The following GALNT2 variants were observed in gnomAD, a reference collection of about 807,000 sequenced individuals.
The protein encoded by GALNT2 is UDP-GalNAc:polypeptide N-acetylgalactosaminyltransferase 2.
Under a neutral mutation model 81.4 loss-of-function variants are expected in GALNT2, and 31 were observed. The ratio of observed to expected loss-of-function variants is 0.38; its 90% confidence interval spans 0.29 to 0.51. GALNT2 has a LOEUF of 0.51. Ranked by LOEUF, GALNT2 falls within the 20% of genes least tolerant of loss-of-function variation. The pLI is 0.87. For synonymous variants in GALNT2, 303 were observed against 287.4 expected, an observed-to-expected ratio of 1.05 and a Z score of -0.55; for missense variants, 629 against 765.7, an observed-to-expected ratio of 0.82 and a Z score of 2.11.
intron 11 of GALNT2, among the ~76,000 whole-genome samples, chr1:230,256,823 A>G (rs1163567803): frequency 6.6e-6 from 1 of 152,186 alleles, no homozygotes; most frequent in Non-Finnish European, 1.5e-5. Context: ...GTATTTTCAA[A>G]TAGTAATCAA....
At chr1:230,171,761 C>G (rs1662800826) in intron 1 of GALNT2, among the ~76,000 whole-genome samples, 1 of 152,120 alleles carries the variant, frequency 6.6e-6, no homozygotes, top group Admixed American at 6.5e-5. Flanking sequence ...TGTATGTAAG[C>G]ATGTTTATTT....
chr1:230,279,526 G>A lies in GALNT2; in HGVS notation c.*68G>A, dbSNP rs1666380357. ...GGTGGAGTCTGGTGATCACATTATT[G>A]ATTATGTTTCTTAAACTTTCCGCGA... On this transcript the variant is annotated 3_prime_UTR_variant, in exon 16 of 16. Transcript: ENST00000366672. The surrounding 1 kb of genome is among the most constrained non-coding windows in gnomAD (Gnocchi z 4.6). The A allele has an allele frequency of 6.5e-7, 1 of 1,542,586 alleles. No individual in the cohort carries two copies. Among genetic ancestry groups the A allele is most frequent in the South Asian group, 1.2e-5 (1 of 83,128 alleles).
intron 2 of GALNT2, among the ~76,000 whole-genome samples, chr1:230,201,572 T>C (rs1337112868): frequency 6.6e-6 from 1 of 152,172 alleles, no homozygotes; most frequent in East Asian, 1.9e-4. Flanking sequence ...CATGCTATTA[T>C]CATACCGTGT....
At chr1:230,133,093 A>G (rs1247719659) in intron 1 of GALNT2, among the ~76,000 whole-genome samples, 2 of 152,132 alleles carry the variant, frequency 1.3e-5, no homozygotes, top group Non-Finnish European at 2.9e-5. Context: ...TTTTAACACT[A>G]TATTGTATTT....
chr1:230,125,179 G>A (rs1210689688), intron 1 of GALNT2, among the ~76,000 whole-genome samples: 1 of 152,244 alleles, frequency 6.6e-6, no homozygotes, highest in Non-Finnish European at 1.5e-5. Flanking sequence ...GTTTGAAAGT[G>A]AATACCAGAT....
chr1:230,136,646 C>T (rs915225280), intron 1 of GALNT2, among the ~76,000 whole-genome samples: 5 of 151,856 alleles, frequency 3.3e-5, no homozygotes, highest in African/African-American at 1.2e-4. Context: ...CCTTCAGGAG[C>T]GCTGGGTCTG....
At chr1:230,276,660 C>T (rs1429510276) in intron 15 of GALNT2, among the ~76,000 whole-genome samples, 1 of 152,232 alleles carries the variant, frequency 6.6e-6, no homozygotes, top group Admixed American at 6.5e-5. Context: ...CTTCCCTGCT[C>T]TGCAGAGTCC....
chr1:230,087,290 A>G (rs539139227), intron 1 of GALNT2, among the ~76,000 whole-genome samples: 1 of 152,322 alleles, frequency 6.6e-6, no homozygotes, highest in African/African-American at 2.4e-5. Flanking sequence ...GGTACTAATT[A>G]CCGAATTTCA....
intron 2 of GALNT2, among the ~76,000 whole-genome samples, chr1:230,186,205 G>A (rs1195419032): frequency 1.3e-5 from 2 of 152,204 alleles, no homozygotes; most frequent in Non-Finnish European, 2.9e-5. Context: ...GTGTTTGCAC[G>A]TTGTGTTCTT....
intron 1 of GALNT2, among the ~76,000 whole-genome samples, chr1:230,170,985 CT>C (rs1237132978): frequency 6.6e-6 from 1 of 152,140 alleles, no homozygotes; most frequent in Non-Finnish European, 1.5e-5. Flanking sequence ...CTCTGGTGTT[CT>C]TTTTTCAGGA....
chr1:230,148,523 G>A (rs1054006599), intron 1 of GALNT2, among the ~76,000 whole-genome samples: 5 of 152,246 alleles, frequency 3.3e-5, no homozygotes, highest in African/African-American at 9.6e-5. Flanking sequence ...TCCCTCACTC[G>A]CCTTCCGGAG....
intron 1 of GALNT2, among the ~76,000 whole-genome samples, chr1:230,171,844 C>T (rs975006428): frequency 6.6e-6 from 1 of 152,066 alleles, no homozygotes; most frequent in African/African-American, 2.4e-5. Flanking sequence ...GGTAAGACAT[C>T]AGCGTGAGAT....
intron 1 of GALNT2, among the ~76,000 whole-genome samples, chr1:230,155,320 G>A (rs567651313): frequency 8.5e-5 from 13 of 152,250 alleles, no homozygotes; most frequent in African/African-American, 4.8e-5. Flanking sequence ...GCAGGTTTTC[G>A]CTCGGAGGTG....
intron 15 of GALNT2, among the ~76,000 whole-genome samples, chr1:230,277,322 C>T (rs182847198): frequency 1.9e-3 from 285 of 152,234 alleles, no homozygotes; most frequent in African/African-American, 6.4e-3. Flanking sequence ...CTGTGCGAGA[C>T]GGAGCTGGGG....
chr1:230,158,469 T>G (rs891652538), intron 1 of GALNT2, among the ~76,000 whole-genome samples: 5 of 152,270 alleles, frequency 3.3e-5, no homozygotes, highest in Non-Finnish European at 7.3e-5. Context: ...GGAGGCCTCC[T>G]GAGGCACTTT....
chr1:230,248,470 T>C (rs918308371), intron 8 of GALNT2, among the ~76,000 whole-genome samples: 5 of 152,210 alleles, frequency 3.3e-5, no homozygotes, highest in African/African-American at 1.2e-4. Flanking sequence ...ACTATGTGTG[T>C]GACCCTGGGA....
Position 230,093,309 on chromosome 1 carries a change from T to C in GALNT2, c.126+25903T>C, listed in dbSNP as rs1336002724. Among the ~76,000 whole-genome samples, 2 of 151,804 alleles carry C rather than the reference T, an allele frequency of 1.3e-5. 1 individual carries two copies. Among genetic ancestry groups the C allele is most frequent in the African/African-American group, 4.9e-5 (2 of 41,064 alleles). On this transcript the variant is annotated intron_variant, in intron 1 of 15. Coordinates refer to ENST00000366672, the MANE Select transcript of GALNT2 (RefSeq NM_004481.5). ...TAAAGGGCACTGAACATGATAATAGTGTCCGTCAGGGGGAGAAATAACAGA... is the reference window on the plus strand; with the variant it reads ...TAAAGGGCACTGAACATGATAATAGCGTCCGTCAGGGGGAGAAATAACAGA...
chr1:230,194,890 G>A (rs1478289430), intron 2 of GALNT2, among the ~76,000 whole-genome samples: 1 of 152,230 alleles, frequency 6.6e-6, no homozygotes. Context: ...GGTCAGTGCT[G>A]AAGATGACAA....
intron 14 of GALNT2, among the ~76,000 whole-genome samples, chr1:230,267,269 A>G (rs1331641707): frequency 6.6e-6 from 1 of 152,234 alleles, no homozygotes; most frequent in Admixed American, 6.5e-5. Context: ...TGCTAGAGAA[A>G]GGGATTAGAA....
Sources: gnomAD v4.1 joint callset for allele counts (sites outside exome capture counted in the v4.1 genomes callset) on GRCh38, gnomAD v4.1.1 for gene constraint, Gnocchi (gnomAD v3.1) non-coding constraint, MANE v1.5 for transcripts, NCBI Gene and HGNC (gene_info 2026-07-23, HGNC 2026-07-21) for gene names.